AK8: variants seen among roughly 807,000 people sequenced by gnomAD.
The protein encoded by AK8 is ATP-AMP transphosphorylase 8.
Under a neutral mutation model 54.6 loss-of-function variants are expected in AK8, and 44 were observed. That is an observed-to-expected ratio of 0.81 (90% CI 0.63 to 1.04). AK8 has a LOEUF of 1.04. Ranked by LOEUF, AK8 falls within the 50% of genes least tolerant of loss-of-function variation. The pLI, the probability that AK8 is intolerant of heterozygous loss-of-function variation, is 0.00. For synonymous variants in AK8, 239 were observed against 245.6 expected (o/e 0.97, Z 0.25); for missense variants, 555 against 613.6 (o/e 0.90, Z 1.01).
intron 10 of AK8, among the ~76,000 whole-genome samples, chr9:132,801,670 G>C (rs928487993): frequency 2.0e-5 from 3 of 152,202 alleles, no homozygotes; most frequent in Non-Finnish European, 2.9e-5. Flanking sequence ...CATGAGCCCA[G>C]TTTTCTGGGA....
At position 132,799,596 on chromosome 9, in the gene AK8, AACACACACAC is replaced by A. The variant is rs141099716; in HGVS notation, c.980-6831_980-6822del. Among the ~76,000 whole-genome samples, 4 of 149,892 alleles carry A rather than the reference AACACACACAC, an allele frequency of 2.7e-5. No homozygotes were observed. Among genetic ancestry groups the A allele is most frequent in the African/African-American group, 2.4e-5 (1 of 40,854 alleles). ...ACATGTGCTCATGCACTCAGCTACA[AACACACACAC>A]ACACACACCACACACCCCCACACCC... is the stretch of plus-strand genomic sequence containing the variant. On this transcript the variant is annotated intron_variant, in intron 10 of 12. Transcript: ENST00000298545. The surrounding 1 kb of genome is among the most constrained non-coding windows in gnomAD (Gnocchi z 5.0).
intron 4 of AK8, among the ~76,000 whole-genome samples, chr9:132,861,133 T>C (rs749027029): frequency 6.6e-6 from 1 of 152,200 alleles, no homozygotes; most frequent in Non-Finnish European, 1.5e-5. Flanking sequence ...CAAAAATCCC[T>C]GGCCACTGTG....
intron 9 of AK8, among the ~76,000 whole-genome samples, chr9:132,821,703 A>G (rs943477843): frequency 7.1e-6 from 1 of 140,654 alleles, no homozygotes; most frequent in African/African-American, 2.6e-5. Context: ...ACATATATAT[A>G]CACGTACATT....
intron 9 of AK8, among the ~76,000 whole-genome samples, chr9:132,820,165 A>C (rs1841520843): frequency 7.2e-6 from 1 of 138,872 alleles, no homozygotes; most frequent in African/African-American, 2.7e-5. Flanking sequence ...AAAAAAAAAG[A>C]CAAAGGGAAG....
chr9:132,867,030 C>G lies in AK8; in HGVS notation c.170-77G>C, dbSNP rs935179378. 2.2e-6 allele frequency: 3 copies of G among 1,358,172 alleles called. No individual in the cohort carries two copies. The Admixed American group carries it at 5.1e-5, about 23-fold the overall frequency. 84.1% of individuals were successfully genotyped at this position (1,358,172 alleles called of 1,614,324 possible). A position where few individuals can be genotyped will look rare whatever the true frequency, so the allele number is the denominator to read the frequency against. ...CCACACCTGCGGTACTCGGGGTGTA[C>G]TTATTTCTCCCTCCCTAGATTTCAT... On this transcript the variant is annotated intron_variant, in intron 2 of 12. Coordinates refer to ENST00000298545, the MANE Select transcript of AK8 (RefSeq NM_152572.3).
chr9:132,840,444 ACAC>A (rs1842494742), intron 5 of AK8, among the ~76,000 whole-genome samples: 1 of 148,354 alleles, frequency 6.7e-6, no homozygotes, highest in African/African-American at 2.5e-5. Flanking sequence ...ACACACACAC[ACAC>A]AAGGCAAGTG....
Position 132,815,064 on chromosome 9 carries a change from C to T in AK8, c.890-337G>A, listed in dbSNP as rs975803158. ...CCTGGAATTGCTGCGCAGAACTCGGCGCCCTCCAGGGTGCTGCGGAGGATC... is the reference window on the plus strand; with the variant it reads ...CCTGGAATTGCTGCGCAGAACTCGGTGCCCTCCAGGGTGCTGCGGAGGATC... On this transcript the variant is annotated intron_variant, in intron 9 of 12. Transcript: ENST00000298545. Among the ~76,000 whole-genome samples the T allele has an allele frequency of 9.2e-5, 14 of 152,360 alleles. No homozygotes were observed. In the South Asian group the frequency reaches 2.1e-3, roughly 23 times the overall value.
intron 10 of AK8, among the ~76,000 whole-genome samples, chr9:132,801,549 C>T (rs1840458524): frequency 6.6e-6 from 1 of 152,166 alleles, no homozygotes; most frequent in East Asian, 1.9e-4. Flanking sequence ...ATTTTCCTTC[C>T]ATTTTAATGA....
rs530502137 is a variant in AK8, at chr9:132,837,047, G to A, written c.403-8321C>T. Among the ~76,000 whole-genome samples the A allele has an allele frequency of 3.9e-5, 6 of 152,318 alleles. No individual in the cohort carries two copies. Among genetic ancestry groups the A allele is most frequent in the Admixed American group, 2.0e-4 (3 of 15,308 alleles). ...CTAAGAATGGGAGAACGGGCCAGGC[G>A]TGGTGGTTCACGCCTATAATCCCAG... is the stretch of plus-strand genomic sequence containing the variant. On this transcript the variant is annotated intron_variant, in intron 5 of 12. Transcript: ENST00000298545. The surrounding 1 kb of genome is among the most constrained non-coding windows in gnomAD (Gnocchi z 4.3).
intron 11 of AK8, among the ~76,000 whole-genome samples, chr9:132,743,014 G>A (rs1163490235): frequency 6.6e-6 from 1 of 152,116 alleles, no homozygotes; most frequent in African/African-American, 2.4e-5. Context: ...GAAGGAACAA[G>A]GGGAGGAGGG....
intron 5 of AK8, among the ~76,000 whole-genome samples, chr9:132,851,376 G>A (rs888136269): frequency 6.6e-6 from 1 of 152,228 alleles, no homozygotes; most frequent in African/African-American, 2.4e-5. Flanking sequence ...ACTTGACCCT[G>A]GTCATGGGTG....
In AK8 at chr9:132,790,118, T is replaced by C. The variant is rs1355076859; in HGVS notation, c.1121+2516A>G. On this transcript the variant is annotated intron_variant, in intron 11 of 12. Coordinates refer to ENST00000298545, the MANE Select transcript of AK8 (RefSeq NM_152572.3). This position sits in a 1 kb window ranked among gnomAD's most constrained non-coding sequence, Gnocchi z 4.1. ...TATGCCATGACCAAACCAGTTACTA[T>C]AGGAACAAAAGACTGGCTTACTAAT... 2.6e-5 allele frequency among the ~76,000 whole-genome samples: 4 copies of C among 152,120 alleles called. No individual in the cohort carries two copies. The highest frequency in any genetic ancestry group is 1.3e-4 in the Admixed American group (2 of 15,278).
chr9:132,804,030 CAGG>C (rs1840593528), intron 10 of AK8, among the ~76,000 whole-genome samples: 2 of 148,928 alleles, frequency 1.3e-5, no homozygotes, highest in Non-Finnish European at 3.0e-5. Flanking sequence ...CGCTTGAACC[CAGG>C]AGGCGAAAGT....
chr9:132,786,853 C>A (rs1307105423), intron 11 of AK8, among the ~76,000 whole-genome samples: 1 of 152,124 alleles, frequency 6.6e-6, no homozygotes. Context: ...AAAAGCCTAT[C>A]TCCCCATCCT....
At chr9:132,735,090 A>G (rs1443230623) in intron 11 of AK8, among the ~76,000 whole-genome samples, 1 of 152,198 alleles carries the variant, frequency 6.6e-6, no homozygotes, top group Non-Finnish European at 1.5e-5. Context: ...AGGGTTGAGC[A>G]CCACTGCCCT....
At chr9:132,759,854 C>A (rs1409191320) in intron 11 of AK8, among the ~76,000 whole-genome samples, 1 of 152,202 alleles carries the variant, frequency 6.6e-6, no homozygotes, top group Admixed American at 6.5e-5. Context: ...AGGGCAAGTC[C>A]TCCCACTTTG....
At chr9:132,820,546 C>T (rs955808098) in intron 9 of AK8, among the ~76,000 whole-genome samples, 22 of 152,308 alleles carry the variant, frequency 1.4e-4, no homozygotes, top group African/African-American at 5.3e-4. Flanking sequence ...CACATCTCTC[C>T]TTACATATCT....
chr9:132,741,423 C>G (rs1216449728), intron 11 of AK8, among the ~76,000 whole-genome samples: 1 of 152,210 alleles, frequency 6.6e-6, no homozygotes. Flanking sequence ...CTGATCAACA[C>G]TGAAGTCGCT....
chr9:132,748,700 G>C (rs1420978109), intron 11 of AK8, among the ~76,000 whole-genome samples: 2 of 151,820 alleles, frequency 1.3e-5, no homozygotes, highest in Admixed American at 1.3e-4. Context: ...CGTGGTACTT[G>C]GGGTTGATCT....
Sources: allele counts gnomAD v4.1 joint callset (sites outside exome capture counted in the v4.1 genomes callset), GRCh38; gene constraint gnomAD v4.1.1; non-coding constraint Gnocchi (gnomAD v3.1); transcripts MANE v1.5; gene names NCBI Gene and HGNC (gene_info 2026-07-23, HGNC 2026-07-21).